The following CPVL variants were observed in gnomAD, a reference collection of about 807,000 sequenced individuals.
The protein encoded by CPVL is probable serine carboxypeptidase CPVL.
A neutral mutation model predicts 63.7 loss-of-function variants in CPVL; 51 were observed. The observed-to-expected ratio is 0.80, with a 90% CI of 0.64 to 1.01. CPVL has a LOEUF of 1.01. Ranked by LOEUF, CPVL falls within the 50% of genes least tolerant of loss-of-function variation. The pLI is 0.00. For synonymous variants in CPVL, 195 were observed against 206.0 expected (o/e 0.95, Z 0.46); for missense variants, 530 against 573.1 (o/e 0.92, Z 0.77).
chr7:29,163,860 C>G (rs1375027250), intron 5 of CPVL, among the ~76,000 whole-genome samples: 3 of 152,200 alleles, frequency 2.0e-5, no homozygotes, highest in Admixed American at 6.5e-5. Context: ...ATAGTTCACT[C>G]CTTTTCATTG....
intron 12 of CPVL, among the ~76,000 whole-genome samples, chr7:29,030,077 C>G (rs538925115): frequency 3.4e-4 from 51 of 152,226 alleles, no homozygotes; most frequent in African/African-American, 1.2e-3. Flanking sequence ...GCCAGTATAA[C>G]CATGATTCCA....
chr7:29,174,435 C>A (rs535224640), intron 5 of CPVL, among the ~76,000 whole-genome samples: 7 of 152,236 alleles, frequency 4.6e-5, no homozygotes, highest in African/African-American at 1.7e-4. Context: ...GCTTCTCCCC[C>A]AAGAGGGACA....
At chr7:29,023,822 C>A (rs1475910048) in intron 12 of CPVL, among the ~76,000 whole-genome samples, 1 of 152,190 alleles carries the variant, frequency 6.6e-6, no homozygotes, top group Non-Finnish European at 1.5e-5. Flanking sequence ...ACCAACCCTA[C>A]AGACACATCT....
intron 12 of CPVL, among the ~76,000 whole-genome samples, chr7:29,019,991 T>A (rs1357865763): frequency 6.6e-6 from 1 of 152,212 alleles, no homozygotes; most frequent in East Asian, 1.9e-4. Flanking sequence ...TCTCTAAATG[T>A]GTTTTGCATT....
At chr7:29,037,653 TACA>T (rs1788682914) in intron 11 of CPVL, among the ~76,000 whole-genome samples, 1 of 151,854 alleles carries the variant, frequency 6.6e-6, no homozygotes, top group Non-Finnish European at 1.5e-5. Context: ...TACACAACGG[TACA>T]ACAATTTCCA....
chr7:29,160,209 T>C (rs1404434486), intron 5 of CPVL, among the ~76,000 whole-genome samples: 1 of 152,204 alleles, frequency 6.6e-6, no homozygotes, highest in African/African-American at 2.4e-5. Flanking sequence ...ATCTAAAATA[T>C]GTACTGGCCA....
chr7:29,009,123 T>C (rs1301650048), intron 12 of CPVL: 1 of 145,156 alleles, frequency 6.9e-6, no homozygotes, highest in African/African-American at 2.6e-5. Flanking sequence ...CGGACTTGGA[T>C]GTGAAATGTC....
chr7:29,173,229 C>T (rs1335625224), intron 5 of CPVL, among the ~76,000 whole-genome samples: 1 of 151,954 alleles, frequency 6.6e-6, no homozygotes, highest in South Asian at 2.1e-4. Context: ...TCTTCTAAGG[C>T]CAGAAAGCTA....
upstream of CPVL, among the ~76,000 whole-genome samples, chr7:29,149,249 A>G (rs144732368): frequency 1.3e-3 from 180 of 137,586 alleles, 1 homozygote; most frequent in African/African-American, 4.5e-3. Context: ...CTGGACTGCA[A>G]TGTCGCAATC....
chr7:29,020,799 G>A (rs550908803), intron 12 of CPVL, among the ~76,000 whole-genome samples: 9 of 152,134 alleles, frequency 5.9e-5, no homozygotes, highest in Admixed American at 2.6e-4. Flanking sequence ...TCTTTGAAAA[G>A]AATAAAATTG....
chr7:29,137,987 AC>A (rs1391923821), intron 1 of CPVL, among the ~76,000 whole-genome samples: 3 of 152,218 alleles, frequency 2.0e-5, no homozygotes, highest in Non-Finnish European at 1.5e-5. Flanking sequence ...TGAAAAGAGT[AC>A]TATGAACATC....
At chr7:29,113,637 T>A (rs1328446548) in intron 2 of CPVL, 1 of 152,198 alleles carries the variant, frequency 6.6e-6, no homozygotes, top group African/African-American at 2.4e-5. Context: ...TCATTCCCAC[T>A]TTACAGATAA....
intron 7 of CPVL, among the ~76,000 whole-genome samples, chr7:29,085,161 C>T (rs1584217122): frequency 6.6e-6 from 1 of 152,244 alleles, no homozygotes; most frequent in Middle Eastern, 3.4e-3. Flanking sequence ...AAATGCCATT[C>T]CCCAGGAAAA....
intron 5 of CPVL, 123 bp downstream of exon 5, chr7:29,094,961 A>T: frequency 1.4e-6 from 1 of 728,496 alleles, no homozygotes; most frequent in Middle Eastern, 2.7e-4. Flanking sequence ...TTAATTTTAC[A>T]GATTAAATTC....
intron 12 of CPVL, among the ~76,000 whole-genome samples, chr7:29,002,879 A>AG (rs1554324616): frequency 6.6e-6 from 1 of 151,088 alleles, no homozygotes; most frequent in Non-Finnish European, 1.5e-5. Context: ...AAAAAAAAAA[A>AG]AAGAAGAAGA....
chr7:29,074,688 G>T (rs1400041033), intron 7 of CPVL, among the ~76,000 whole-genome samples: 5 of 151,496 alleles, frequency 3.3e-5, no homozygotes, highest in African/African-American at 1.2e-4. Context: ...TCTCACGAGA[G>T]CTGATGGTTT....
chr7:28,998,769 C>T (rs1236361438), intron 12 of CPVL, among the ~76,000 whole-genome samples: 4 of 151,964 alleles, frequency 2.6e-5, no homozygotes, highest in African/African-American at 7.2e-5. Context: ...CCACTGCACT[C>T]CAGCCTGGGC....
intron 6 of CPVL, among the ~76,000 whole-genome samples, chr7:29,091,507 G>A (rs536284810): frequency 1.2e-4 from 18 of 152,242 alleles, no homozygotes; most frequent in African/African-American, 3.9e-4. Flanking sequence ...GAGGACTGCC[G>A]TCCGTTACGT....
chr7:29,149,687 C>A (rs1793319979), upstream of CPVL, among the ~76,000 whole-genome samples: 1 of 152,196 alleles, frequency 6.6e-6, no homozygotes, highest in African/African-American at 2.4e-5. Flanking sequence ...CAGGTTCCCT[C>A]TGAAACCTGG....
Sources: allele counts gnomAD v4.1 joint callset (sites outside exome capture counted in the v4.1 genomes callset), GRCh38; gene constraint gnomAD v4.1.1; transcripts MANE v1.5; gene names NCBI Gene and HGNC (gene_info 2026-07-23, HGNC 2026-07-21).